KLF12: variants seen among roughly 807,000 people sequenced by gnomAD.
The protein encoded by KLF12 is Krueppel-like factor 12.
A neutral mutation model predicts 37.8 loss-of-function variants in KLF12; 9 were observed. The observed-to-expected ratio is 0.24, with a 90% CI of 0.14 to 0.42. The LOEUF is 0.42. Among genes scored for constraint, KLF12 ranks in the 10% least tolerant of loss-of-function variants. The pLI is 1.00. For missense variants in KLF12, 411 were observed against 516.0 expected, an observed-to-expected ratio of 0.80 and a Z score of 1.97; for synonymous variants, 208 against 202.1, an observed-to-expected ratio of 1.03 and a Z score of -0.25.
chr13:74,151,400 G>A, the KLF12 span, among the ~76,000 whole-genome samples: 7 of 152,242 alleles, frequency 4.6e-5, no homozygotes, highest in Admixed American at 6.5e-5. Flanking sequence ...CCTGTGATCC[G>A]AGCACTTAGG....
At chr13:73,720,784 T>G (rs547637570) in intron 6 of KLF12, among the ~76,000 whole-genome samples, 1 of 152,154 alleles carries the variant, frequency 6.6e-6, no homozygotes, top group East Asian at 1.9e-4. Context: ...TGAAAGAAAT[T>G]AGGGATAACT....
intron 5 of KLF12, among the ~76,000 whole-genome samples, chr13:73,770,809 C>T (rs1450475724): frequency 6.6e-6 from 1 of 152,150 alleles, no homozygotes; most frequent in Admixed American, 6.6e-5. Context: ...AGGCGTGAAC[C>T]ACCATGCCCA....
the KLF12 span, among the ~76,000 whole-genome samples, chr13:74,223,109 G>A: frequency 7.2e-5 from 11 of 152,224 alleles, no homozygotes; most frequent in South Asian, 4.2e-4. Flanking sequence ...TTTTTGTGGC[G>A]CTTTCAAATT....
At chr13:74,185,433 C>T in the KLF12 span, among the ~76,000 whole-genome samples, 3 of 152,050 alleles carry the variant, frequency 2.0e-5, no homozygotes, top group Non-Finnish European at 4.4e-5. Context: ...ATATTTTTTT[C>T]CAACTCCATC....
At chr13:74,192,391 A>G in the KLF12 span, among the ~76,000 whole-genome samples, 4 of 152,218 alleles carry the variant, frequency 2.6e-5, no homozygotes, top group Non-Finnish European at 5.9e-5. Flanking sequence ...CCTTTCAGAT[A>G]CGACTACAGT....
chr13:74,080,472 T>A (rs1874814800), intron 1 of KLF12, among the ~76,000 whole-genome samples: 2 of 151,530 alleles, frequency 1.3e-5, no homozygotes, highest in African/African-American at 4.9e-5. Context: ...TGTGAATATA[T>A]AATACTTAAC....
chr13:74,011,629 C>T (rs777833403), intron 1 of KLF12, among the ~76,000 whole-genome samples: 3 of 152,158 alleles, frequency 2.0e-5, no homozygotes, highest in Non-Finnish European at 4.4e-5. Context: ...TTGCCGCAGA[C>T]TAAGTACTAC....
chr13:74,020,476 G>A (rs950065501), intron 1 of KLF12, among the ~76,000 whole-genome samples: 4 of 152,184 alleles, frequency 2.6e-5, no homozygotes, highest in African/African-American at 9.6e-5. Flanking sequence ...AATTTTTAAG[G>A]AAGTCAGTGT....
chr13:73,775,944 T>C (rs1295097620), intron 5 of KLF12, among the ~76,000 whole-genome samples: 3 of 152,172 alleles, frequency 2.0e-5, no homozygotes, highest in Non-Finnish European at 4.4e-5. Flanking sequence ...ACTTTTCCTT[T>C]GAATAGAACA....
chr13:74,088,548 A>T lies in KLF12; in HGVS notation c.-32+45191T>A, dbSNP rs928616297. On this transcript the variant is annotated intron_variant, in intron 1 of 7. Transcript: ENST00000377669. Reference sequence around the variant, plus strand: ...GAGCCCTAGATCTTTCAACTCTAGCATAGCAAAGGACAAAAAGAGAAAGAT... The same window carrying T: ...GAGCCCTAGATCTTTCAACTCTAGCTTAGCAAAGGACAAAAAGAGAAAGAT... Among the ~76,000 whole-genome samples, 3 of 152,294 alleles carry T rather than the reference A, an allele frequency of 2.0e-5. No homozygotes were observed. The South Asian group carries it at 6.2e-4, about 32-fold the overall frequency.
chr13:74,072,874 T>A (rs1874354167), intron 1 of KLF12, among the ~76,000 whole-genome samples: 2 of 152,148 alleles, frequency 1.3e-5, no homozygotes, highest in Admixed American at 1.3e-4. Flanking sequence ...ATATGACCAT[T>A]GATATGGTTT....
At chr13:74,144,803 TCAA>T in the KLF12 span, among the ~76,000 whole-genome samples, 1 of 152,158 alleles carries the variant, frequency 6.6e-6, no homozygotes, top group East Asian at 1.9e-4. Flanking sequence ...AATTTTCAAC[TCAA>T]CAAATCCTCA....
At chr13:73,987,110 G>A (rs576815594) in intron 2 of KLF12, among the ~76,000 whole-genome samples, 3 of 152,116 alleles carry the variant, frequency 2.0e-5, no homozygotes, top group South Asian at 2.1e-4. Flanking sequence ...TCTTAAATTG[G>A]AATTTTGAGA....
At chr13:73,959,218 A>G (rs1265011937) in intron 2 of KLF12, among the ~76,000 whole-genome samples, 1 of 151,764 alleles carries the variant, frequency 6.6e-6, no homozygotes, top group East Asian at 1.9e-4. Context: ...CCTATTTCTC[A>G]GGCTAGCAAC....
intron 3 of KLF12, among the ~76,000 whole-genome samples, chr13:73,930,179 G>A (rs1889598937): frequency 1.3e-5 from 2 of 152,106 alleles, no homozygotes; most frequent in African/African-American, 4.8e-5. Flanking sequence ...AAGATGATTG[G>A]TTCAAAAATT....
the KLF12 span, among the ~76,000 whole-genome samples, chr13:74,230,017 C>T: frequency 1.3e-5 from 2 of 152,294 alleles, no homozygotes; most frequent in East Asian, 3.9e-4. Context: ...CTGAGCTGTA[C>T]TTTTCTCATT....
intron 3 of KLF12, among the ~76,000 whole-genome samples, chr13:73,900,918 C>A (rs1471895163): frequency 1.3e-5 from 2 of 152,046 alleles, no homozygotes; most frequent in Non-Finnish European, 2.9e-5. Flanking sequence ...GTTCTGAGTT[C>A]TAGTTTTAAA....
intron 5 of KLF12, among the ~76,000 whole-genome samples, chr13:73,775,852 A>G (rs1880575195): frequency 6.6e-6 from 1 of 152,236 alleles, no homozygotes; most frequent in Non-Finnish European, 1.5e-5. Flanking sequence ...AGTATATAAT[A>G]CAGACATTCT....
At chr13:74,120,387 T>C (rs1877558616) in intron 1 of KLF12, among the ~76,000 whole-genome samples, 2 of 152,066 alleles carry the variant, frequency 1.3e-5, no homozygotes, top group Admixed American at 1.3e-4. Flanking sequence ...GCGTGAGCCA[T>C]GAGAATTGTT....
Sources: gnomAD v4.1 joint callset for allele counts (sites outside exome capture counted in the v4.1 genomes callset) on GRCh38, gnomAD v4.1.1 for gene constraint, MANE v1.5 for transcripts, NCBI Gene and HGNC (gene_info 2026-07-23, HGNC 2026-07-21) for gene names.